KHDRBS2: variants seen among roughly 807,000 people sequenced by gnomAD.
KHDRBS2 encodes KH RNA binding domain containing, signal transduction associated 2.
A neutral mutation model predicts 44.3 loss-of-function variants in KHDRBS2; 26 were observed. That is an observed-to-expected ratio of 0.59 (90% confidence interval 0.43 to 0.81). KHDRBS2 has a LOEUF of 0.81. KHDRBS2 is among the 40% of genes least tolerant of loss of function. The pLI is 0.00. For missense variants in KHDRBS2, 476 were observed against 433.1 expected (o/e 1.10, Z -0.88); for synonymous variants, 194 against 151.1 (o/e 1.28, Z -2.08).
intron 3 of KHDRBS2, among the ~76,000 whole-genome samples, chr6:61,989,569 G>A (rs994736317): frequency 1.3e-5 from 2 of 152,162 alleles, no homozygotes. Flanking sequence ...ATAAAAAAAT[G>A]TGAGATTTCT....
At chr6:61,923,655 GAGA>G (rs1277721644) in intron 4 of KHDRBS2, among the ~76,000 whole-genome samples, 1 of 152,046 alleles carries the variant, frequency 6.6e-6, no homozygotes, top group Non-Finnish European at 1.5e-5. Flanking sequence ...CTCAGCTAAA[GAGA>G]AGTAGAAGAG....
chr6:62,198,591 T>C (rs140328313), intron 1 of KHDRBS2, among the ~76,000 whole-genome samples: 19 of 152,238 alleles, frequency 1.2e-4, no homozygotes, highest in African/African-American at 4.3e-4. Flanking sequence ...GAGGCAATAA[T>C]TAATACCTTA....
intron 2 of KHDRBS2, among the ~76,000 whole-genome samples, chr6:62,082,547 T>C (rs1797610871): frequency 6.6e-6 from 1 of 152,144 alleles, no homozygotes; most frequent in Admixed American, 6.6e-5. Flanking sequence ...CTTTTATTAC[T>C]ACATCTGTCT....
At chr6:62,112,647 G>A (rs374540992) in intron 2 of KHDRBS2, among the ~76,000 whole-genome samples, 1 of 152,070 alleles carries the variant, frequency 6.6e-6, no homozygotes, top group Non-Finnish European at 1.5e-5. Context: ...TATAATGAAA[G>A]AGTGGTAGCA....
chr6:61,833,447 C>A (rs1364579964), intron 6 of KHDRBS2, among the ~76,000 whole-genome samples: 1 of 152,158 alleles, frequency 6.6e-6, no homozygotes, highest in Non-Finnish European at 1.5e-5. Flanking sequence ...GGAAGAGTTT[C>A]TTTTCCTATA....
chr6:61,594,156 A>G, the KHDRBS2 span, among the ~76,000 whole-genome samples: 5 of 152,150 alleles, frequency 3.3e-5, no homozygotes, highest in African/African-American at 1.2e-4. Context: ...AGTATGATTC[A>G]TCCAATTCCT....
chr6:61,899,728 T>G (rs1350960914), intron 5 of KHDRBS2, among the ~76,000 whole-genome samples: 2 of 100,232 alleles, frequency 2.0e-5, no homozygotes, highest in Non-Finnish European at 4.1e-5. Context: ...ATTCATTGTT[T>G]TAATGCCCCC....
At position 61,894,751 on chromosome 6, in the gene KHDRBS2, C is replaced by T; in HGVS notation, c.694G>A (p.Ala232Thr). The T allele has an allele frequency of 6.2e-7, 1 of 1,613,750 alleles. No homozygotes were observed. The highest frequency in any genetic ancestry group is 8.5e-7 in the Non-Finnish European group (1 of 1,179,848). Reference sequence around the variant, plus strand: ...CTTGCTACAGGTGGCACTGGAAGCGCTCCACGGGTTACAGTGCTTCCCCGA... The same window carrying T: ...CTTGCTACAGGTGGCACTGGAAGCGTTCCACGGGTTACAGTGCTTCCCCGA... The part of the protein sequence containing the change: ...TPRGSTVTRG[A>T]LPVPPVARGV... The change falls in exon 6 of 9, where the codon GCG becomes ACG. Residue 232 changes from alanine (A) to threonine (T), a missense_variant. Ala to Thr is a moderately conservative substitution (Grantham distance 58). Coordinates refer to ENST00000281156, the MANE Select transcript of KHDRBS2 (RefSeq NM_152688.4).
intron 6 of KHDRBS2, among the ~76,000 whole-genome samples, chr6:61,845,348 C>T (rs1230746539): frequency 2.2e-5 from 3 of 134,834 alleles, no homozygotes; most frequent in Non-Finnish European, 3.1e-5. Context: ...CTTGCTCTGT[C>T]GCTCAGGCTG....
At chr6:61,995,717 A>T (rs1256265683) in intron 3 of KHDRBS2, among the ~76,000 whole-genome samples, 7 of 152,104 alleles carry the variant, frequency 4.6e-5, no homozygotes, top group Non-Finnish European at 1.0e-4. Context: ...AAGAGTGGGG[A>T]AGGATATTGA....
intron 1 of KHDRBS2, among the ~76,000 whole-genome samples, chr6:62,264,710 C>T (rs1027971689): frequency 4.6e-5 from 7 of 151,560 alleles, no homozygotes; most frequent in African/African-American, 1.5e-4. Flanking sequence ...CACATCATTC[C>T]GACTGCCTTT....
intron 7 of KHDRBS2, among the ~76,000 whole-genome samples, chr6:61,713,946 A>AAAAAAC (rs1460531938): frequency 5.9e-5 from 9 of 151,884 alleles, no homozygotes; most frequent in African/African-American, 2.2e-4. Flanking sequence ...AAGCACTAGA[A>AAAAAAC]AAAAACTTAG....
chr6:62,174,354 G>C (rs1054842008), intron 2 of KHDRBS2, among the ~76,000 whole-genome samples: 15 of 151,190 alleles, frequency 9.9e-5, no homozygotes, highest in Non-Finnish European at 1.8e-4. Context: ...AAAGGTGAAA[G>C]ATCTCTATAA....
intron 6 of KHDRBS2, among the ~76,000 whole-genome samples, chr6:61,793,828 C>A (rs1391292329): frequency 1.3e-5 from 2 of 151,972 alleles, no homozygotes; most frequent in Non-Finnish European, 2.9e-5. Context: ...ACTGATTTCT[C>A]CAGATGCTAC....
chr6:62,222,295 C>T (rs1831035929), intron 1 of KHDRBS2, among the ~76,000 whole-genome samples: 1 of 151,746 alleles, frequency 6.6e-6, no homozygotes, highest in Non-Finnish European at 1.5e-5. Context: ...ACTCCACTTT[C>T]ACACTGCTGA....
At chr6:62,002,207 A>G (rs569897607) in intron 3 of KHDRBS2, among the ~76,000 whole-genome samples, 85 of 152,140 alleles carry the variant, frequency 5.6e-4, no homozygotes, top group African/African-American at 2.0e-3. Context: ...AAATTCCACC[A>G]AAGGTGTTTG....
chr6:61,736,167 T>A (rs1215207546), intron 6 of KHDRBS2, among the ~76,000 whole-genome samples: 1 of 151,028 alleles, frequency 6.6e-6, no homozygotes, highest in South Asian at 2.1e-4. Context: ...ACAGTAAATT[T>A]ACTTTTTTGT....
At chr6:61,872,092 T>TA (rs1283038210) in intron 6 of KHDRBS2, among the ~76,000 whole-genome samples, 7 of 150,602 alleles carry the variant, frequency 4.6e-5, no homozygotes, top group Non-Finnish European at 1.0e-4. Context: ...TAAAGTATAA[T>TA]AAAAAAAAGA....
chr6:62,034,492 A>G (rs1784902083), intron 3 of KHDRBS2, among the ~76,000 whole-genome samples: 1 of 151,824 alleles, frequency 6.6e-6, no homozygotes, highest in African/African-American at 2.4e-5. Context: ...GGTTCAACAC[A>G]TGCAAATCAA....
Sources: gnomAD v4.1 joint callset for allele counts (sites outside exome capture counted in the v4.1 genomes callset) on GRCh38, gnomAD v4.1.1 for gene constraint, MANE v1.5 for transcripts, NCBI Gene and HGNC (gene_info 2026-07-23, HGNC 2026-07-21) for gene names.